Variants in CACNG3 observed in about 807,000 individuals in gnomAD.
The protein encoded by CACNG3 is voltage-dependent calcium channel gamma-3 subunit.
Under a neutral mutation model 28.5 loss-of-function variants are expected in CACNG3, and 3 were observed. The observed-to-expected ratio is 0.11, with a 90% CI of 0.05 to 0.27. The LOEUF is 0.27. Among genes scored for constraint, CACNG3 ranks in the 10% least tolerant of loss-of-function variants. The pLI, the probability that CACNG3 is intolerant of heterozygous loss-of-function variation, is 1.00. For missense variants in CACNG3, 236 were observed against 414.4 expected, an observed-to-expected ratio of 0.57 and a Z score of 3.74; for synonymous variants, 174 against 162.2, an observed-to-expected ratio of 1.07 and a Z score of -0.55.
intron 1 of CACNG3, among the ~76,000 whole-genome samples, chr16:24,283,534 T>A (rs1434071197): frequency 6.6e-6 from 1 of 152,242 alleles, no homozygotes; most frequent in Non-Finnish European, 1.5e-5. Context: ...AGAAAGCTAT[T>A]ACAGATCTAT....
chr16:24,336,573 C>A (rs1567221834), intron 1 of CACNG3, among the ~76,000 whole-genome samples: 1 of 139,566 alleles, frequency 7.2e-6, no homozygotes, highest in African/African-American at 2.5e-5. Flanking sequence ...CTGTGCCCAG[C>A]CAATCATTAA....
intron 1 of CACNG3, among the ~76,000 whole-genome samples, chr16:24,276,227 G>T (rs114143250): frequency 6.6e-6 from 1 of 152,004 alleles, no homozygotes; most frequent in Admixed American, 6.6e-5. Context: ...ACTATTTTTT[G>T]TTCTGGAAAA....
chr16:24,277,398 C>T (rs1251635297), intron 1 of CACNG3, among the ~76,000 whole-genome samples: 1 of 152,172 alleles, frequency 6.6e-6, no homozygotes, highest in Non-Finnish European at 1.5e-5. Flanking sequence ...CGCTAAACCC[C>T]TTGCAATGCG....
In CACNG3 at chr16:24,271,208, C is replaced by T. The variant is rs529923455; in HGVS notation, c.211+14243C>T. Among the ~76,000 whole-genome samples the T allele has an allele frequency of 2.0e-5, 3 of 152,276 alleles. No individual in the cohort carries two copies. In the East Asian group the frequency reaches 5.8e-4, roughly 29 times the overall value. ...GAAGAGAACTCTGTCCCTTGACCTC[C>T]CTTGTTCTCTCAGACAAGTACTTTA... On this transcript the variant is annotated intron_variant, in intron 1 of 3. Coordinates refer to ENST00000005284, the MANE Select transcript of CACNG3 (RefSeq NM_006539.4).
chr16:24,307,777 T>C (rs1186330983), intron 1 of CACNG3, among the ~76,000 whole-genome samples: 2 of 152,146 alleles, frequency 1.3e-5, no homozygotes, highest in Non-Finnish European at 2.9e-5. Context: ...GAGGTCCCCA[T>C]GCATAACAGA....
intron 1 of CACNG3, among the ~76,000 whole-genome samples, chr16:24,263,185 A>G (rs902023925): frequency 1.3e-5 from 2 of 152,018 alleles, no homozygotes; most frequent in African/African-American, 4.8e-5. Flanking sequence ...AGAGGAGATA[A>G]CCCCAAATGT....
At chr16:24,283,710 G>T (rs754614128) in intron 1 of CACNG3, among the ~76,000 whole-genome samples, 4 of 152,118 alleles carry the variant, frequency 2.6e-5, no homozygotes, top group Admixed American at 6.5e-5. Flanking sequence ...AGTGGTCAAA[G>T]ACCACCTTGC....
chr16:24,306,295 C>T (rs1390357676), intron 1 of CACNG3, among the ~76,000 whole-genome samples: 1 of 152,198 alleles, frequency 6.6e-6, no homozygotes, highest in African/African-American at 2.4e-5. Flanking sequence ...CCGGGCTTTT[C>T]GTCTTTTGCC....
chr16:24,323,629 C>T (rs372660947), intron 1 of CACNG3, among the ~76,000 whole-genome samples: 8 of 152,164 alleles, frequency 5.3e-5, no homozygotes, highest in Middle Eastern at 3.2e-3. Flanking sequence ...ATCACAGCAA[C>T]GCTCAGTAAG....
chr16:24,342,794 T>A (rs898793048), intron 1 of CACNG3, among the ~76,000 whole-genome samples: 2 of 152,180 alleles, frequency 1.3e-5, no homozygotes, highest in Non-Finnish European at 2.9e-5. Flanking sequence ...CAAATAATAT[T>A]CTTTCGATTT....
At position 24,281,657 on chromosome 16, in the gene CACNG3, T is replaced by C. The variant is rs768111815; in HGVS notation, c.211+24692T>C. ...AGGGTCCCCGAAAGGTTGATTGGCTTAGGCCTGAGTCACGTGATTCAATCT... is the reference window on the plus strand; with the variant it reads ...AGGGTCCCCGAAAGGTTGATTGGCTCAGGCCTGAGTCACGTGATTCAATCT... On this transcript the variant is annotated intron_variant, in intron 1 of 3. Coordinates refer to ENST00000005284, the MANE Select transcript of CACNG3 (RefSeq NM_006539.4). 4.6e-5 allele frequency among the ~76,000 whole-genome samples: 7 copies of C among 152,206 alleles called. 1 individual carries two copies. The highest frequency in any genetic ancestry group is 4.6e-4 in the Admixed American group (7 of 15,282).
Position 24,362,020 on chromosome 16 carries a change from C to A in CACNG3, c.*157C>A. The A allele has an allele frequency of 1.5e-6, 1 of 679,548 alleles. No individual in the cohort carries two copies. Among genetic ancestry groups the A allele is most frequent in the Non-Finnish European group, 2.4e-6 (1 of 418,330 alleles). The allele number at this position is 679,548 out of a possible 1,614,324, so 42.1% of individuals were successfully genotyped here. The stretch of plus-strand genomic sequence containing the variant: ...CCCTCTCCCACATTTTCCCCTCACC[C>A]TCCAAGTCCTAACCCCTCCATCCTC... On this transcript the variant is annotated 3_prime_UTR_variant, in exon 4 of 4. Transcript: ENST00000005284.
chr16:24,338,044 G>A (rs987139314), intron 1 of CACNG3, among the ~76,000 whole-genome samples: 1 of 151,864 alleles, frequency 6.6e-6, no homozygotes, highest in Non-Finnish European at 1.5e-5. Context: ...CAGCTGGAAG[G>A]GCAGCTGATG....
intron 2 of CACNG3, among the ~76,000 whole-genome samples, chr16:24,347,213 G>A (rs1899881526): frequency 6.6e-6 from 1 of 152,162 alleles, no homozygotes; most frequent in Non-Finnish European, 1.5e-5. Context: ...AGCTACTCAG[G>A]AGGCTAAGGT....
intron 1 of CACNG3, among the ~76,000 whole-genome samples, chr16:24,313,859 CT>C (rs1288836098): frequency 6.6e-6 from 1 of 152,140 alleles, no homozygotes; most frequent in Non-Finnish European, 1.5e-5. Context: ...ATTCTCCTGC[CT>C]CAGCCTCCCG....
intron 1 of CACNG3, among the ~76,000 whole-genome samples, chr16:24,262,588 G>A (rs1209706195): frequency 6.6e-6 from 1 of 152,220 alleles, no homozygotes; most frequent in Non-Finnish European, 1.5e-5. Context: ...GTGAAGACCT[G>A]GCCCCACAGA....
At chr16:24,308,032 A>G (rs1456041324) in intron 1 of CACNG3, among the ~76,000 whole-genome samples, 1 of 152,046 alleles carries the variant, frequency 6.6e-6, no homozygotes, top group African/African-American at 2.4e-5. Context: ...TGAGAAAGCA[A>G]TGGGTTTGCA....
At chr16:24,263,505 C>T (rs886484165) in intron 1 of CACNG3, among the ~76,000 whole-genome samples, 6 of 152,146 alleles carry the variant, frequency 3.9e-5, no homozygotes, top group African/African-American at 1.4e-4. Flanking sequence ...CATCTCATAA[C>T]CCTGCCACAG....
intron 1 of CACNG3, among the ~76,000 whole-genome samples, chr16:24,338,113 C>T (rs1438618312): frequency 6.6e-6 from 1 of 152,042 alleles, no homozygotes; most frequent in Non-Finnish European, 1.5e-5. Flanking sequence ...TCTTCTGTTC[C>T]TCAAACTCAC....
Sources: gnomAD v4.1 joint callset for allele counts (sites outside exome capture counted in the v4.1 genomes callset) on GRCh38, gnomAD v4.1.1 for gene constraint, MANE v1.5 for transcripts, NCBI Gene and HGNC (gene_info 2026-07-23, HGNC 2026-07-21) for gene names.